Variants in CSMD1 observed in about 807,000 individuals in gnomAD.
CSMD1 encodes the protein CUB and sushi domain-containing protein 1.
CSMD1 carries 213 observed loss-of-function variants against 417.5 expected under a neutral mutation model. That is an observed-to-expected ratio of 0.51 (90% confidence interval 0.46 to 0.57). The LOEUF (loss-of-function observed/expected upper bound fraction) is 0.57. Ranked by LOEUF, CSMD1 falls within the 20% of genes least tolerant of loss-of-function variation. The probability of loss-of-function intolerance (pLI) is 0.00; values close to 1 mark genes in which losing one functional copy is unlikely to be tolerated. For missense variants in CSMD1, 6,923 were observed against 4,529.7 expected (o/e 1.53, Z -15.17); for synonymous variants, 2,862 against 1,736.8 (o/e 1.65, Z -16.11).
At chr8:4,426,873 G>T (rs1399350849) in intron 2 of CSMD1, among the ~76,000 whole-genome samples, 1 of 151,644 alleles carries the variant, frequency 6.6e-6, no homozygotes, top group Non-Finnish European at 1.5e-5. Context: ...TCAAAAGTGG[G>T]AAGGGGTATT....
chr8:4,217,817 C>G (rs914261827), intron 3 of CSMD1, among the ~76,000 whole-genome samples: 2 of 152,060 alleles, frequency 1.3e-5, no homozygotes, highest in African/African-American at 4.8e-5. Flanking sequence ...CGATCACCCT[C>G]TCAAGTAAGA....
At chr8:3,478,261 G>A (rs1563076523) in intron 11 of CSMD1, among the ~76,000 whole-genome samples, 1 of 152,176 alleles carries the variant, frequency 6.6e-6, no homozygotes, top group Non-Finnish European at 1.5e-5. Flanking sequence ...TTCACGTGCG[G>A]AACTGCGTGA....
intron 1 of CSMD1, among the ~76,000 whole-genome samples, chr8:4,854,993 T>C (rs1429006884): frequency 6.6e-6 from 1 of 152,108 alleles, no homozygotes; most frequent in Non-Finnish European, 1.5e-5. Context: ...ATCAGTAACC[T>C]CTGCAGACTT....
intron 12 of CSMD1, among the ~76,000 whole-genome samples, chr8:3,448,318 A>AGGGAGGGAGGGAG (rs1815437076): frequency 2.7e-4 from 1 of 3,768 alleles, no homozygotes; most frequent in African/African-American, 6.1e-4. Context: ...GAAGGAAGGA[A>AGGGAGGGAGGGAG]GGAAGGGAGC....
intron 10 of CSMD1, among the ~76,000 whole-genome samples, chr8:3,540,890 C>T (rs562974332): frequency 1.1e-4 from 16 of 152,228 alleles, no homozygotes; most frequent in Middle Eastern, 3.4e-3. Context: ...CAGATGCCGG[C>T]GAGGCTGTGG....
chr8:4,266,042 G>A (rs1271975298), intron 3 of CSMD1, among the ~76,000 whole-genome samples: 1 of 103,790 alleles, frequency 9.6e-6, no homozygotes, highest in Admixed American at 9.2e-5. Flanking sequence ...GGCTCGCCCG[G>A]CATATTAGCT....
At chr8:2,986,294 G>A (rs1408616504) in intron 54 of CSMD1, among the ~76,000 whole-genome samples, 1 of 152,142 alleles carries the variant, frequency 6.6e-6, no homozygotes, top group East Asian at 1.9e-4. Context: ...AACCTATGAA[G>A]AGGGTACTGT....
intron 3 of CSMD1, among the ~76,000 whole-genome samples, chr8:4,240,015 C>G (rs1802295673): frequency 6.6e-6 from 1 of 152,200 alleles, no homozygotes; most frequent in South Asian, 2.1e-4. Flanking sequence ...TCTGTGTTTT[C>G]AAGAAGTCCC....
At chr8:4,292,365 G>A (rs1467399077) in intron 3 of CSMD1, among the ~76,000 whole-genome samples, 1 of 152,018 alleles carries the variant, frequency 6.6e-6, no homozygotes, top group African/African-American at 2.4e-5. Context: ...CCTTTCTCCT[G>A]CCTCAGCCTC....
chr8:4,270,748 T>G (rs1197314502), intron 3 of CSMD1, among the ~76,000 whole-genome samples: 3 of 152,200 alleles, frequency 2.0e-5, no homozygotes, highest in African/African-American at 7.2e-5. Flanking sequence ...TTGAGGACAG[T>G]GCTACTCATC....
At chr8:4,224,857 C>G (rs1801250988) in intron 3 of CSMD1, among the ~76,000 whole-genome samples, 1 of 152,206 alleles carries the variant, frequency 6.6e-6, no homozygotes, top group Non-Finnish European at 1.5e-5. Flanking sequence ...CGCCTGTCAT[C>G]CCAGCACTTT....
At chr8:4,621,992 C>G (rs1333885357) in intron 2 of CSMD1, among the ~76,000 whole-genome samples, 3 of 151,718 alleles carry the variant, frequency 2.0e-5, no homozygotes, top group African/African-American at 7.3e-5. Context: ...CATAATAAAA[C>G]CCTCAGCAAA....
chr8:3,345,743 G>A (rs755559842), intron 22 of CSMD1, among the ~76,000 whole-genome samples: 1 of 152,202 alleles, frequency 6.6e-6, no homozygotes, highest in African/African-American at 2.4e-5. Flanking sequence ...CTCAAGGGAT[G>A]TTGCTGGGTT....
At chr8:4,987,623 A>G (rs1811248593) in intron 1 of CSMD1, among the ~76,000 whole-genome samples, 1 of 152,238 alleles carries the variant, frequency 6.6e-6, no homozygotes, top group Admixed American at 6.5e-5. Context: ...AATATAAAAT[A>G]TTGAGTGTCA....
chr8:4,255,154 C>T (rs566795090), intron 3 of CSMD1, among the ~76,000 whole-genome samples: 1 of 152,312 alleles, frequency 6.6e-6, no homozygotes, highest in Non-Finnish European at 1.5e-5. Flanking sequence ...AGAGATGATA[C>T]ATAGAGCTTT....
chr8:3,920,464 C>G (rs909659839), intron 5 of CSMD1, among the ~76,000 whole-genome samples: 3 of 151,852 alleles, frequency 2.0e-5, no homozygotes, highest in Admixed American at 2.0e-4. Context: ...ATTTGAGTGC[C>G]TTTTATTCTT....
At chr8:4,356,766 G>A (rs62479474) in intron 3 of CSMD1, among the ~76,000 whole-genome samples, 5,366 of 152,232 alleles carry the variant, frequency 0.035, 142 homozygotes, top group South Asian at 0.091. Flanking sequence ...GACTGGAACC[G>A]AGTTCTTCTC....
At chr8:4,385,218 G>A (rs892511237) in intron 3 of CSMD1, among the ~76,000 whole-genome samples, 4 of 152,186 alleles carry the variant, frequency 2.6e-5, no homozygotes, top group Admixed American at 6.5e-5. Flanking sequence ...ATGAGCCACT[G>A]CACCCGGCCA....
intron 5 of CSMD1, among the ~76,000 whole-genome samples, chr8:3,885,151 G>A (rs1267899138): frequency 6.6e-6 from 1 of 152,050 alleles, no homozygotes; most frequent in East Asian, 1.9e-4. Context: ...ATCCCATCTC[G>A]TGACTGTATC....
Sources: allele counts gnomAD v4.1 joint callset (sites outside exome capture counted in the v4.1 genomes callset), GRCh38; gene constraint gnomAD v4.1.1; transcripts MANE v1.5; gene names NCBI Gene and HGNC (gene_info 2026-07-23, HGNC 2026-07-21).